The following CADM2 variants were observed in gnomAD, a reference collection of about 807,000 sequenced individuals.
CADM2 encodes immunoglobulin superfamily member 4D.
CADM2 carries 12 observed loss-of-function variants against 49.8 expected under a neutral mutation model. The observed-to-expected ratio is 0.24, with a 90% CI of 0.15 to 0.39. The LOEUF is 0.39. Among genes scored for constraint, CADM2 ranks in the 10% least tolerant of loss-of-function variants. The probability of loss-of-function intolerance (pLI) is 1.00; values close to 1 mark genes in which losing one functional copy is unlikely to be tolerated. For synonymous variants in CADM2, 214 were observed against 175.4 expected (o/e 1.22, Z -1.74); for missense variants, 378 against 492.3 (o/e 0.77, Z 2.20).
chr3:85,007,691 C>A (rs2033801424), intron 1 of CADM2, among the ~76,000 whole-genome samples: 1 of 152,064 alleles, frequency 6.6e-6, no homozygotes, highest in Non-Finnish European at 1.5e-5. Context: ...CAAAAAATAC[C>A]ACAATGCGTT....
chr3:85,571,899 G>A (rs2062490545), intron 1 of CADM2, among the ~76,000 whole-genome samples: 2 of 152,262 alleles, frequency 1.3e-5, no homozygotes, highest in South Asian at 4.1e-4. Context: ...TTTAGTCATG[G>A]TATACAATGT....
intron 1 of CADM2, among the ~76,000 whole-genome samples, chr3:85,338,673 A>G (rs2045157050): frequency 6.6e-6 from 1 of 151,540 alleles, no homozygotes; most frequent in Non-Finnish European, 1.5e-5. Context: ...GTCATGGCTA[A>G]GAAGTGACAA....
chr3:85,611,438 T>C (rs1441587553), intron 1 of CADM2, among the ~76,000 whole-genome samples: 3 of 151,878 alleles, frequency 2.0e-5, no homozygotes, highest in East Asian at 1.9e-4. Context: ...TGAGCACCTG[T>C]TTTAAAATAA....
At chr3:85,697,507 G>A (rs894884818) in intron 1 of CADM2, among the ~76,000 whole-genome samples, 19 of 152,006 alleles carry the variant, frequency 1.2e-4, no homozygotes, top group African/African-American at 2.4e-5. Flanking sequence ...TTTGTAAAAT[G>A]ATACACAAAA....
At chr3:85,649,364 C>T (rs2064979734) in intron 1 of CADM2, among the ~76,000 whole-genome samples, 1 of 151,988 alleles carries the variant, frequency 6.6e-6, no homozygotes, top group South Asian at 2.1e-4. Context: ...TTTTATAGAA[C>T]AGAAAACTGA....
intron 1 of CADM2, among the ~76,000 whole-genome samples, chr3:85,163,342 C>T (rs1270685221): frequency 6.6e-6 from 1 of 151,870 alleles, no homozygotes; most frequent in African/African-American, 2.4e-5. Context: ...GTTTCTAAAG[C>T]AATATGGGGC....
chr3:85,942,601 T>C (rs1270906754), intron 7 of CADM2, among the ~76,000 whole-genome samples: 2 of 151,454 alleles, frequency 1.3e-5, no homozygotes, highest in East Asian at 4.0e-4. Flanking sequence ...TTTTTGTTCT[T>C]GCGATAGTTT....
At chr3:85,805,898 A>G (rs2072381406) in intron 3 of CADM2, among the ~76,000 whole-genome samples, 1 of 152,214 alleles carries the variant, frequency 6.6e-6, no homozygotes, top group Admixed American at 6.5e-5. Context: ...AGCTTCATCT[A>G]TAGCCTCACT....
At chr3:85,011,053 A>G (rs2033968972) in intron 1 of CADM2, among the ~76,000 whole-genome samples, 1 of 150,904 alleles carries the variant, frequency 6.6e-6, no homozygotes, top group African/African-American at 2.4e-5. Flanking sequence ...TTTAGTAGAG[A>G]CGGGGTTTCA....
chr3:85,107,574 CTCTTTCTT>C (rs755382316), intron 1 of CADM2, among the ~76,000 whole-genome samples: 139 of 123,342 alleles, frequency 1.1e-3, no homozygotes, highest in Non-Finnish European at 2.3e-3. Context: ...CTCTCTTTCT[CTCTTTCTT>C]TCTTTTCTTT....
intron 1 of CADM2, among the ~76,000 whole-genome samples, chr3:84,999,008 C>G (rs1048404383): frequency 6.6e-6 from 1 of 152,108 alleles, no homozygotes; most frequent in African/African-American, 2.4e-5. Context: ...AGCTAGATAA[C>G]TTTCCCTAAA....
chr3:84,973,257 T>G (rs1036461263), intron 1 of CADM2, among the ~76,000 whole-genome samples: 1 of 152,150 alleles, frequency 6.6e-6, no homozygotes, highest in African/African-American at 2.4e-5. Flanking sequence ...ATTTTTATAG[T>G]AATATCTTTC....
At chr3:85,512,296 C>T (rs1423899405) in intron 1 of CADM2, among the ~76,000 whole-genome samples, 1 of 152,096 alleles carries the variant, frequency 6.6e-6, no homozygotes, top group African/African-American at 2.4e-5. Flanking sequence ...CATTAATTCA[C>T]TTAGGAGAAT....
At position 86,070,938 on chromosome 3, in the gene CADM2, C is replaced by T. The variant is rs1006426143; in HGVS notation, c.*4155C>T. On this transcript the variant is annotated 3_prime_UTR_variant, in exon 10 of 10. Transcript: ENST00000383699. The stretch of plus-strand genomic sequence containing the variant: ...CAGTGCAATATCTGCAGTTCTATTG[C>T]TGGATACTTAATGCAAAGGGATTTT... The T allele has an allele frequency of 6.6e-6, 1 of 151,824 alleles. No individual in the cohort carries two copies. The highest frequency in any genetic ancestry group is 1.9e-4 in the East Asian group (1 of 5,190). The allele number at this position is 151,824 out of a possible 1,614,324, so 9.4% of individuals were successfully genotyped here.
intron 1 of CADM2, among the ~76,000 whole-genome samples, chr3:84,960,901 G>A (rs1275675335): frequency 6.6e-6 from 1 of 152,126 alleles, no homozygotes; most frequent in Non-Finnish European, 1.5e-5. Flanking sequence ...GCTGTAAGGC[G>A]GAAGATTGTT....
At chr3:85,469,066 A>G (rs1006370104) in intron 1 of CADM2, among the ~76,000 whole-genome samples, 1 of 152,194 alleles carries the variant, frequency 6.6e-6, no homozygotes, top group Non-Finnish European at 1.5e-5. Flanking sequence ...AAAGCTTTTT[A>G]GGCTTAAAGT....
intron 2 of CADM2, among the ~76,000 whole-genome samples, chr3:85,762,592 C>T (rs2069442444): frequency 1.5e-5 from 1 of 65,200 alleles, no homozygotes; most frequent in Non-Finnish European, 2.8e-5. Context: ...CACTGCACTA[C>T]TCCTCTCTCT....
intron 1 of CADM2, among the ~76,000 whole-genome samples, chr3:85,306,858 A>C (rs2044223872): frequency 6.6e-6 from 1 of 151,748 alleles, no homozygotes; most frequent in Non-Finnish European, 1.5e-5. Flanking sequence ...CCCAAACCTT[A>C]AATGCAGCTT....
At chr3:85,920,383 A>G (rs1718944722) in intron 6 of CADM2, among the ~76,000 whole-genome samples, 1 of 151,822 alleles carries the variant, frequency 6.6e-6, no homozygotes, top group East Asian at 1.9e-4. Flanking sequence ...ACAAAATGCC[A>G]TATTTATGCC....
Sources: allele counts gnomAD v4.1 joint callset (sites outside exome capture counted in the v4.1 genomes callset), GRCh38; gene constraint gnomAD v4.1.1; transcripts MANE v1.5; gene names NCBI Gene and HGNC (gene_info 2026-07-23, HGNC 2026-07-21).